Variants in NFIA observed in about 807,000 individuals in gnomAD.
NFIA encodes nuclear factor I A.
A neutral mutation model predicts 62.8 loss-of-function variants in NFIA; 8 were observed. The observed-to-expected ratio is 0.13, with a 90% CI of 0.07 to 0.23. The LOEUF (loss-of-function observed/expected upper bound fraction) is 0.23, where lower values mean the gene tolerates loss of function less well. Among genes scored for constraint, NFIA ranks in the 10% least tolerant of loss-of-function variants. NFIA has a pLI of 1.00. For missense variants in NFIA, 410 were observed against 642.1 expected (o/e 0.64, Z 3.91); for synonymous variants, 235 against 238.1 (o/e 0.99, Z 0.12).
At chr1:61,265,594 T>C (rs1032243909) in intron 2 of NFIA, among the ~76,000 whole-genome samples, 1 of 152,190 alleles carries the variant, frequency 6.6e-6, no homozygotes, top group Non-Finnish European at 1.5e-5. Flanking sequence ...AACCAAGTTA[T>C]TACAGAAAAG....
chr1:61,432,324 C>T (rs981235678), intron 10 of NFIA, among the ~76,000 whole-genome samples: 1 of 151,654 alleles, frequency 6.6e-6, no homozygotes, highest in Non-Finnish European at 1.5e-5. Context: ...AAATTAGACT[C>T]CTTTACTGCT....
At chr1:61,212,942 G>A (rs904825088) in intron 2 of NFIA, among the ~76,000 whole-genome samples, 3 of 152,190 alleles carry the variant, frequency 2.0e-5, no homozygotes, top group Non-Finnish European at 4.4e-5. Context: ...TCACACTGTG[G>A]CCTGGTCACC....
At chr1:61,115,590 G>A (rs899639049) in intron 2 of NFIA, among the ~76,000 whole-genome samples, 1 of 152,216 alleles carries the variant, frequency 6.6e-6, no homozygotes, top group Admixed American at 6.5e-5. Context: ...CATATGTAGC[G>A]TGTGTTCTGG....
intron 2 of NFIA, among the ~76,000 whole-genome samples, chr1:61,207,212 T>G (rs1023552007): frequency 1.2e-4 from 19 of 152,148 alleles, no homozygotes; most frequent in Admixed American, 1.3e-4. Flanking sequence ...AAACAAAAAT[T>G]TAATGAATGG....
intron 5 of NFIA, among the ~76,000 whole-genome samples, 190 bp from the exon 6 acceptor site, chr1:61,358,957 C>A (rs918443729): frequency 1.3e-5 from 2 of 152,172 alleles, no homozygotes; most frequent in African/African-American, 4.8e-5. Flanking sequence ...ACACTTGGAA[C>A]AACACAGACC....
At chr1:61,278,516 G>A (rs552131204) in intron 3 of NFIA, among the ~76,000 whole-genome samples, 9 of 152,156 alleles carry the variant, frequency 5.9e-5, no homozygotes, top group South Asian at 2.1e-4. Context: ...TGGGCTGGGC[G>A]TGGTGGCTTT....
intron 9 of NFIA, among the ~76,000 whole-genome samples, chr1:61,407,027 A>G (rs1488866042): frequency 6.6e-6 from 1 of 152,224 alleles, no homozygotes; most frequent in African/African-American, 2.4e-5. Flanking sequence ...TGCTATTCCC[A>G]TCATCAAGCA....
intron 2 of NFIA, among the ~76,000 whole-genome samples, chr1:61,166,511 T>A (rs1355464369): frequency 6.6e-6 from 1 of 152,188 alleles, no homozygotes; most frequent in African/African-American, 2.4e-5. Context: ...AAATGTATGA[T>A]AATGTACTTA....
At position 61,460,558 on chromosome 1, in the gene NFIA, T is replaced by G. The variant is rs1009403930; in HGVS notation, c.*5238T>G. 2.0e-5 allele frequency: 3 copies of G among 152,248 alleles called. No homozygotes were observed. Among genetic ancestry groups the G allele is most frequent in the Non-Finnish European group, 2.9e-5 (2 of 68,040 alleles). The allele number at this position is 152,248 out of a possible 1,614,324, so 9.4% of individuals were successfully genotyped here. On this transcript the variant is annotated 3_prime_UTR_variant, in exon 11 of 11. Transcript: ENST00000403491. ...AATCTATCTGAAGAAAAAAACTATA[T>G]CAACTTTGGTATCTACTTTCCGTTT...
chr1:61,437,314 A>G (rs558341564), intron 10 of NFIA, among the ~76,000 whole-genome samples: 2 of 152,232 alleles, frequency 1.3e-5, no homozygotes, highest in East Asian at 3.9e-4. Flanking sequence ...ATAGAAGAAT[A>G]ACATAGTAGG....
intron 3 of NFIA, among the ~76,000 whole-genome samples, chr1:61,299,573 C>A (rs1412391833): frequency 6.6e-6 from 1 of 152,182 alleles, no homozygotes; most frequent in Non-Finnish European, 1.5e-5. Context: ...CAGACTTCTG[C>A]AAGTTTGAGG....
chr1:61,247,032 A>G (rs1056003772), intron 2 of NFIA, among the ~76,000 whole-genome samples: 5 of 152,146 alleles, frequency 3.3e-5, no homozygotes, highest in Non-Finnish European at 7.4e-5. Context: ...TTGTCTCATG[A>G]TAAGTTTTGT....
intron 2 of NFIA, among the ~76,000 whole-genome samples, chr1:61,207,180 TTG>T: frequency 6.6e-6 from 1 of 152,172 alleles, no homozygotes; most frequent in East Asian, 1.9e-4. Flanking sequence ...TGTCAAAATT[TTG>T]TACAATGTAC....
intron 2 of NFIA, among the ~76,000 whole-genome samples, chr1:61,097,383 G>A (rs1302101419): frequency 5.3e-5 from 8 of 152,122 alleles, no homozygotes; most frequent in African/African-American, 1.7e-4. Flanking sequence ...AAAAAATACT[G>A]TACTATTTAA....
intron 2 of NFIA, among the ~76,000 whole-genome samples, chr1:61,116,861 C>A (rs1255543656): frequency 6.6e-6 from 1 of 152,146 alleles, no homozygotes; most frequent in African/African-American, 2.4e-5. Flanking sequence ...TTAGGTGAAA[C>A]CTAATTAAAA....
chr1:61,407,658 A>G (rs1365602444), intron 9 of NFIA, among the ~76,000 whole-genome samples: 1 of 152,188 alleles, frequency 6.6e-6, no homozygotes, highest in Non-Finnish European at 1.5e-5. Context: ...AGAGAAGGAT[A>G]GGAGCTGTGG....
rs1668563780 is a variant in NFIA, at chr1:61,462,060, G to GC, written c.*6740_*6741insC. 3.7e-5 allele frequency: 1 copy of GC among 27,304 alleles called. No homozygotes were observed. Among genetic ancestry groups the GC allele is most frequent in the Admixed American group, 3.3e-4 (1 of 3,002 alleles). The allele number at this position is 27,304 out of a possible 1,614,324, so 1.7% of individuals were successfully genotyped here. ...TTTTTTTTGGCTTTTTTTTTTGTTTGTTTTTTTTTCTTTTGACATTGCAAC... is the reference window on the plus strand; with the variant it reads ...TTTTTTTTGGCTTTTTTTTTTGTTTGCTTTTTTTTTCTTTTGACATTGCAAC... On this transcript the variant is annotated 3_prime_UTR_variant, in exon 11 of 11. Transcript: ENST00000403491.
At chr1:61,292,281 G>A (rs535234243) in intron 3 of NFIA, among the ~76,000 whole-genome samples, 2 of 152,274 alleles carry the variant, frequency 1.3e-5, no homozygotes, top group Admixed American at 1.3e-4. Context: ...AGAAAGTAGT[G>A]TATTATATTC....
chr1:61,163,613 C>T (rs117478555), intron 2 of NFIA, among the ~76,000 whole-genome samples: 151 of 152,052 alleles, frequency 9.9e-4, no homozygotes, highest in African/African-American at 2.9e-3. Flanking sequence ...GCTATGGAAG[C>T]GAAATTGGTG....
Sources: allele counts gnomAD v4.1 joint callset (sites outside exome capture counted in the v4.1 genomes callset), GRCh38; gene constraint gnomAD v4.1.1; transcripts MANE v1.5; gene names NCBI Gene and HGNC (gene_info 2026-07-23, HGNC 2026-07-21).